NCAM2: variants seen among roughly 807,000 people sequenced by gnomAD.
NCAM2 encodes the protein N-CAM-2.
A neutral mutation model predicts 98.1 loss-of-function variants in NCAM2; 30 were observed. The observed-to-expected ratio is 0.31, with a 90% confidence interval of 0.23 to 0.41. The LOEUF (loss-of-function observed/expected upper bound fraction) is 0.41, where lower values mean the gene tolerates loss of function less well. NCAM2 is among the 10% of genes least tolerant of loss of function. The pLI is 1.00. For missense variants in NCAM2, 867 were observed against 1,005.8 expected, an observed-to-expected ratio of 0.86 and a Z score of 1.87; for synonymous variants, 368 against 342.4, an observed-to-expected ratio of 1.07 and a Z score of -0.83.
chr21:21,207,626 A>G (rs889873714), intron 1 of NCAM2, among the ~76,000 whole-genome samples: 2 of 152,116 alleles, frequency 1.3e-5, no homozygotes, highest in Non-Finnish European at 2.9e-5. Flanking sequence ...CTGACCTGCA[A>G]GTGCAAACTT....
chr21:21,236,756 A>ATGTGTGTGTG (rs35816689), intron 1 of NCAM2, among the ~76,000 whole-genome samples: 30 of 150,112 alleles, frequency 2.0e-4, no homozygotes, highest in East Asian at 1.4e-3. Flanking sequence ...ATCAGTACAT[A>ATGTGTGTGTG]TGTGTGTGTG....
intron 17 of NCAM2, among the ~76,000 whole-genome samples, chr21:21,536,393 C>CT (rs1004256872): frequency 1.8e-3 from 227 of 128,976 alleles, no homozygotes; most frequent in East Asian, 3.6e-3. Context: ...CTATTTCTTT[C>CT]TTTTTTTTTT....
At chr21:21,515,694 A>G (rs1164741533) in intron 16 of NCAM2, among the ~76,000 whole-genome samples, 3 of 152,166 alleles carry the variant, frequency 2.0e-5, no homozygotes, top group African/African-American at 7.2e-5. Flanking sequence ...TTAAAATCCA[A>G]TATATTATGG....
At chr21:21,071,335 T>C (rs1394052051) in intron 1 of NCAM2, among the ~76,000 whole-genome samples, 2 of 152,158 alleles carry the variant, frequency 1.3e-5, no homozygotes, top group Non-Finnish European at 2.9e-5. Flanking sequence ...TTGGTAAACA[T>C]TGGCGAATTT....
intron 1 of NCAM2, among the ~76,000 whole-genome samples, chr21:21,245,275 G>A (rs751985977): frequency 6.6e-5 from 10 of 152,052 alleles, no homozygotes; most frequent in African/African-American, 1.2e-4. Flanking sequence ...ATTTCCATGC[G>A]TCAGATAATT....
At chr21:21,510,965 A>AT (rs1216404821) in intron 16 of NCAM2, among the ~76,000 whole-genome samples, 1 of 151,974 alleles carries the variant, frequency 6.6e-6, no homozygotes, top group Non-Finnish European at 1.5e-5. Context: ...TCATAGCACC[A>AT]TAGATTACTT....
chr21:21,496,754 T>A (rs1987268093), intron 15 of NCAM2, among the ~76,000 whole-genome samples: 1 of 152,146 alleles, frequency 6.6e-6, no homozygotes, highest in African/African-American at 2.4e-5. Flanking sequence ...AGGCCTTATA[T>A]TTAAGTTTTT....
chr21:21,374,065 A>G (rs754245097), intron 9 of NCAM2, 52 bp downstream of exon 9: 9 of 1,559,190 alleles, frequency 5.8e-6, no homozygotes, highest in Non-Finnish European at 7.8e-6. Flanking sequence ...ATGCTTTGAA[A>G]CATATGATTT....
intron 1 of NCAM2, among the ~76,000 whole-genome samples, chr21:21,156,876 G>C (rs2067629943): frequency 6.6e-6 from 1 of 151,912 alleles, no homozygotes; most frequent in Non-Finnish European, 1.5e-5. Flanking sequence ...AAGATGACAT[G>C]TGTTCTAATA....
In NCAM2 at chr21:21,081,040, C is replaced by T. The variant is rs192114391; in HGVS notation, c.55+82422C>T. Among the ~76,000 whole-genome samples, 622 of 152,288 alleles carry T rather than the reference C, an allele frequency of 4.1e-3. 2 individuals carry two copies. The highest frequency in any genetic ancestry group is 0.015 in the African/African-American group (609 of 41,572). ...ACTTGGAGTTTTATATGATGGCTTA[C>T]TTCCAGGATCTTGCGTTACTTCACC... On this transcript the variant is annotated intron_variant, in intron 1 of 17. Coordinates refer to ENST00000400546, the MANE Select transcript of NCAM2 (RefSeq NM_004540.5).
intron 1 of NCAM2, among the ~76,000 whole-genome samples, chr21:21,262,462 A>C (rs2071943144): frequency 1.3e-5 from 2 of 152,122 alleles, no homozygotes; most frequent in Non-Finnish European, 2.9e-5. Flanking sequence ...AAAATATTCA[A>C]CAAAATACTT....
At chr21:21,484,878 C>T (rs1986212171) in intron 15 of NCAM2, among the ~76,000 whole-genome samples, 1 of 152,124 alleles carries the variant, frequency 6.6e-6, no homozygotes, top group Non-Finnish European at 1.5e-5. Flanking sequence ...TAGCATGTCA[C>T]TTGTACTTGA....
At chr21:21,131,598 A>G (rs963133536) in intron 1 of NCAM2, among the ~76,000 whole-genome samples, 1 of 152,240 alleles carries the variant, frequency 6.6e-6, no homozygotes, top group African/African-American at 2.4e-5. Context: ...TATACAAATT[A>G]GCCTTCATAC....
chr21:21,273,408 C>T (rs2072605469), intron 1 of NCAM2, among the ~76,000 whole-genome samples: 1 of 152,014 alleles, frequency 6.6e-6, no homozygotes, highest in Non-Finnish European at 1.5e-5. Flanking sequence ...CTACTATATA[C>T]TATACTATAT....
chr21:21,247,685 T>C (rs1362947282), intron 1 of NCAM2, among the ~76,000 whole-genome samples: 1 of 152,210 alleles, frequency 6.6e-6, no homozygotes, highest in East Asian at 1.9e-4. Context: ...ATTACAGTAT[T>C]ACGTTTAAAG....
intron 15 of NCAM2, among the ~76,000 whole-genome samples, chr21:21,499,869 T>C (rs1304202998): frequency 6.6e-6 from 1 of 152,150 alleles, no homozygotes; most frequent in Non-Finnish European, 1.5e-5. Context: ...TCCAATTGTA[T>C]TATATGGACC....
intron 9 of NCAM2, among the ~76,000 whole-genome samples, chr21:21,407,464 T>G (rs540027078): frequency 6.6e-6 from 1 of 152,170 alleles, no homozygotes; most frequent in Non-Finnish European, 1.5e-5. Context: ...TTGCTTTCTG[T>G]TATGGAAAAC....
At chr21:21,340,546 T>C (rs1296384668) in intron 8 of NCAM2, among the ~76,000 whole-genome samples, 2 of 152,042 alleles carry the variant, frequency 1.3e-5, no homozygotes, top group Admixed American at 1.3e-4. Flanking sequence ...ACTTGGTTTC[T>C]TTGCAATAAA....
intron 9 of NCAM2, among the ~76,000 whole-genome samples, chr21:21,404,012 T>C (rs1687372567): frequency 6.6e-6 from 1 of 152,098 alleles, no homozygotes; most frequent in African/African-American, 2.4e-5. Flanking sequence ...AAATTTAATA[T>C]GAATTTTGCC....
Sources: gnomAD v4.1 joint callset for allele counts (sites outside exome capture counted in the v4.1 genomes callset) on GRCh38, gnomAD v4.1.1 for gene constraint, MANE v1.5 for transcripts, NCBI Gene and HGNC (gene_info 2026-07-23, HGNC 2026-07-21) for gene names.